HPSE2: variants seen among roughly 807,000 people sequenced by gnomAD.
HPSE2 encodes inactive heparanase-2.
A neutral mutation model predicts 60.5 loss-of-function variants in HPSE2; 38 were observed. That is an observed-to-expected ratio of 0.63 (90% CI 0.48 to 0.82). The LOEUF is 0.82. Ranked by LOEUF, HPSE2 falls within the 40% of genes least tolerant of loss-of-function variation. The pLI is 0.00. For missense variants in HPSE2, 713 were observed against 740.4 expected, an observed-to-expected ratio of 0.96 and a Z score of 0.43; for synonymous variants, 295 against 293.2, an observed-to-expected ratio of 1.01 and a Z score of -0.06.
chr10:98,542,087 C>T (rs1266887186), intron 9 of HPSE2, among the ~76,000 whole-genome samples: 2 of 151,720 alleles, frequency 1.3e-5, no homozygotes, highest in Admixed American at 6.6e-5. Context: ...CCAGTAGGGG[C>T]AGACTGACAC....
intron 3 of HPSE2, among the ~76,000 whole-genome samples, chr10:98,955,981 G>A (rs1291584599): frequency 6.6e-6 from 1 of 152,074 alleles, no homozygotes; most frequent in African/African-American, 2.4e-5. Flanking sequence ...GAGAGCATCA[G>A]GATAAACAGT....
intron 9 of HPSE2, among the ~76,000 whole-genome samples, chr10:98,568,130 C>A (rs185117847): frequency 1.8e-3 from 272 of 152,306 alleles, no homozygotes; most frequent in Non-Finnish European, 3.4e-3. Context: ...TGCCCTGATT[C>A]TTTGCCTCAG....
intron 2 of HPSE2, among the ~76,000 whole-genome samples, chr10:99,147,065 C>G (rs1846082830): frequency 6.6e-6 from 1 of 152,034 alleles, no homozygotes; most frequent in South Asian, 2.1e-4. Flanking sequence ...AAATTGTAAC[C>G]TGTTGTATAA....
At chr10:99,133,429 A>G (rs933612928) in intron 3 of HPSE2, among the ~76,000 whole-genome samples, 3 of 152,182 alleles carry the variant, frequency 2.0e-5, no homozygotes, top group Non-Finnish European at 2.9e-5. Context: ...CCTGACCTCT[A>G]TGTATCCTGA....
At chr10:98,922,091 T>C (rs752302535) in intron 3 of HPSE2, among the ~76,000 whole-genome samples, 2 of 152,230 alleles carry the variant, frequency 1.3e-5, no homozygotes, top group Non-Finnish European at 1.5e-5. Context: ...TTTTAGTTAA[T>C]AGAAATGATT....
the HPSE2 span, among the ~76,000 whole-genome samples, chr10:99,267,573 GGA>G: frequency 6.6e-6 from 1 of 152,042 alleles, no homozygotes; most frequent in Non-Finnish European, 1.5e-5. Flanking sequence ...CACAAGGTCA[GGA>G]GTTCAAGACC....
At chr10:99,116,066 C>A (rs1391530702) in intron 3 of HPSE2, among the ~76,000 whole-genome samples, 1 of 152,056 alleles carries the variant, frequency 6.6e-6, no homozygotes, top group African/African-American at 2.4e-5. Flanking sequence ...TAGCATCATG[C>A]CTTAAAAGAA....
intron 3 of HPSE2, among the ~76,000 whole-genome samples, chr10:98,887,293 G>T (rs1204997849): frequency 6.6e-6 from 1 of 152,030 alleles, no homozygotes; most frequent in East Asian, 1.9e-4. Flanking sequence ...CTGCAGTGGG[G>T]AAAAAGATAA....
chr10:98,825,465 A>C (rs1951520785), intron 3 of HPSE2, among the ~76,000 whole-genome samples: 1 of 152,194 alleles, frequency 6.6e-6, no homozygotes, highest in South Asian at 2.1e-4. Flanking sequence ...CTTAAACAAC[A>C]ACTATTCAAG....
rs550903865 is a variant in HPSE2, at chr10:99,235,729, C to T, written c.74G>A (p.Gly25Glu). The T allele has an allele frequency of 6.2e-7, 1 of 1,613,956 alleles. No homozygotes were observed. The highest frequency in any genetic ancestry group is 1.1e-5 in the South Asian group (1 of 91,066). ...GAGCAACAGAGCCAAGTAGAGAGCCCCCGGGGCTAGGCACGCGGGGGGGCG... is the reference window on the plus strand; with the variant it reads ...GAGCAACAGAGCCAAGTAGAGAGCCTCCGGGGCTAGGCACGCGGGGGGGCG... ...NSRPPACLAPGALYLALLLHL... is the reference protein window; with the variant it reads ...NSRPPACLAPEALYLALLLHL... Residue 25 changes from glycine to glutamate, a missense_variant, in exon 1 of 12, where the codon GGG becomes GAG. Coordinates refer to ENST00000370552, the MANE Select transcript of HPSE2 (RefSeq NM_021828.5).
chr10:98,733,706 G>C (rs903359614), intron 4 of HPSE2, among the ~76,000 whole-genome samples: 1 of 152,108 alleles, frequency 6.6e-6, no homozygotes, highest in Non-Finnish European at 1.5e-5. Flanking sequence ...TAAATACTAT[G>C]CAAATATAGG....
intron 3 of HPSE2, among the ~76,000 whole-genome samples, chr10:99,031,412 T>G (rs1403634543): frequency 6.6e-6 from 1 of 152,186 alleles, no homozygotes; most frequent in Non-Finnish European, 1.5e-5. Context: ...CTAAAATTTT[T>G]ACTAGGTCCT....
At chr10:98,647,916 T>G (rs488280) in intron 6 of HPSE2, among the ~76,000 whole-genome samples, 2 of 152,248 alleles carry the variant, frequency 1.3e-5, no homozygotes, top group African/African-American at 4.8e-5. Context: ...ATAATTCCAT[T>G]CAGGAATCAT....
At chr10:98,540,024 T>C (rs377663948) in intron 9 of HPSE2, among the ~76,000 whole-genome samples, 6 of 152,326 alleles carry the variant, frequency 3.9e-5, no homozygotes, top group Admixed American at 3.3e-4. Flanking sequence ...TTACCTGGGG[T>C]AAGCCACTTA....
At chr10:99,016,417 G>C (rs1957142686) in intron 3 of HPSE2, among the ~76,000 whole-genome samples, 1 of 152,140 alleles carries the variant, frequency 6.6e-6, no homozygotes, top group African/African-American at 2.4e-5. Context: ...CCAGTACCAT[G>C]ATGTTTTGGT....
chr10:99,245,867 T>G, the HPSE2 span, among the ~76,000 whole-genome samples: 181 of 152,300 alleles, frequency 1.2e-3, no homozygotes, highest in Middle Eastern at 0.01. Context: ...TAGTGAGGAA[T>G]TGGAGACACC....
chr10:98,472,842 G>A (rs563527560), intron 11 of HPSE2, among the ~76,000 whole-genome samples: 2 of 152,128 alleles, frequency 1.3e-5, no homozygotes, highest in Non-Finnish European at 2.9e-5. Context: ...TAGAAAAATA[G>A]CAAATAAAAT....
At chr10:99,169,874 A>G (rs1258488935) in intron 2 of HPSE2, among the ~76,000 whole-genome samples, 2 of 152,188 alleles carry the variant, frequency 1.3e-5, no homozygotes, top group Non-Finnish European at 2.9e-5. Flanking sequence ...AATCTCTTGC[A>G]ACTACTCAAC....
At chr10:99,072,801 C>T (rs759838170) in intron 3 of HPSE2, among the ~76,000 whole-genome samples, 7 of 151,822 alleles carry the variant, frequency 4.6e-5, no homozygotes, top group South Asian at 2.1e-4. Flanking sequence ...TGGTGGTGCA[C>T]GCCTATAGTC....
Sources: allele counts gnomAD v4.1 joint callset (sites outside exome capture counted in the v4.1 genomes callset), GRCh38; gene constraint gnomAD v4.1.1; transcripts MANE v1.5; gene names NCBI Gene and HGNC (gene_info 2026-07-23, HGNC 2026-07-21).